JADE3: variants seen among roughly 807,000 people sequenced by gnomAD.
The protein encoded by JADE3 is jade family PHD finger 3.
A neutral mutation model predicts 50.1 loss-of-function variants in JADE3; 2 were observed. The observed-to-expected ratio is 0.04, with a 90% CI of 0.02 to 0.13. The LOEUF (loss-of-function observed/expected upper bound fraction) is 0.13. Ranked by LOEUF, JADE3 falls within the 10% of genes least tolerant of loss-of-function variation. JADE3 has a pLI of 1.00. For missense variants in JADE3, 475 were observed against 634.4 expected, an observed-to-expected ratio of 0.75 and a Z score of 2.70; for synonymous variants, 218 against 232.9, an observed-to-expected ratio of 0.94 and a Z score of 0.58.
chrX:47,037,803 A>T (rs1270864311), intron 7 of JADE3, among the ~76,000 whole-genome samples: 1 of 111,662 alleles, frequency 9.0e-6, no homozygotes, highest in African/African-American at 3.3e-5. Context: ...ATGTTCTTGT[A>T]GTTATTTTTA....
At chrX:46,976,081 G>A (rs1387389580) in intron 1 of JADE3, among the ~76,000 whole-genome samples, 2 of 111,277 alleles carry the variant, frequency 1.8e-5, no homozygotes, top group Admixed American at 9.6e-5. Flanking sequence ...GTCAAACGGT[G>A]TGAATATGTT....
chrX:46,947,995 A>G (rs1315023617), intron 1 of JADE3, among the ~76,000 whole-genome samples: 1 of 111,603 alleles, frequency 9.0e-6, no homozygotes, highest in African/African-American at 3.3e-5. Flanking sequence ...CAGACCTGCA[A>G]TTATCTGTCC....
At chrX:47,037,441 A>G (rs1929158928) in intron 7 of JADE3, among the ~76,000 whole-genome samples, 1 of 111,827 alleles carries the variant, frequency 8.9e-6, no homozygotes, top group Non-Finnish European at 1.9e-5. Context: ...TAGATACTCG[A>G]TTTAGTTACT....
intron 1 of JADE3, among the ~76,000 whole-genome samples, chrX:46,923,393 C>CTCTTTTTTTTTTTTTTTT (rs1556338199): frequency 3.5e-4 from 4 of 11,522 alleles, no homozygotes; most frequent in African/African-American, 5.9e-4. Flanking sequence ...CTCTCTCTCT[C>CTCTTTTTTTTTTTTTTTT]TTTTTTTTTT....
At chrX:46,937,220 C>T (rs908584498) in intron 1 of JADE3, among the ~76,000 whole-genome samples, 6 of 111,791 alleles carry the variant, frequency 5.4e-5, no homozygotes, top group African/African-American at 1.3e-4. Context: ...TGTCTAATAT[C>T]CAAGTGTTTG....
chrX:47,049,857 G>A (rs1301208149), intron 8 of JADE3, among the ~76,000 whole-genome samples: 1 of 102,988 alleles, frequency 9.7e-6, no homozygotes, highest in Non-Finnish European at 2.0e-5. Context: ...TGCCTCCTGG[G>A]TTCAAGCAAT....
chrX:46,941,966 T>C (rs1030269024), intron 1 of JADE3, among the ~76,000 whole-genome samples: 3 of 106,638 alleles, frequency 2.8e-5, no homozygotes, highest in Non-Finnish European at 5.8e-5. Context: ...AGTCTTGAAC[T>C]CCTGGTCTCA....
chrX:46,950,247 T>C (rs1246984997), intron 1 of JADE3, among the ~76,000 whole-genome samples: 1 of 112,273 alleles, frequency 8.9e-6, no homozygotes, highest in African/African-American at 3.2e-5. Context: ...AACTCAGTTT[T>C]AGAATATTTC....
intron 4 of JADE3, among the ~76,000 whole-genome samples, chrX:47,007,379 G>A (rs782779817): frequency 9.0e-6 from 1 of 111,425 alleles, no homozygotes; most frequent in African/African-American, 3.3e-5. Context: ...AGAGGTTGAG[G>A]TCTATAGCTA....
chrX:47,023,024 A>G (rs1928828722), intron 4 of JADE3, among the ~76,000 whole-genome samples: 1 of 111,523 alleles, frequency 9.0e-6, no homozygotes, highest in African/African-American at 3.3e-5. Flanking sequence ...CAATGACGTT[A>G]TTGAGCATCT....
chrX:47,023,563 C>T (rs1159655992), intron 4 of JADE3, among the ~76,000 whole-genome samples: 1 of 111,761 alleles, frequency 8.9e-6, no homozygotes, highest in East Asian at 2.8e-4. Flanking sequence ...TTATTTTTAT[C>T]ATATTTAATG....
At chrX:47,019,777 C>A (rs1345655056) in intron 4 of JADE3, among the ~76,000 whole-genome samples, 1 of 111,619 alleles carries the variant, frequency 9.0e-6, no homozygotes, top group Non-Finnish European at 1.9e-5. Flanking sequence ...ACTGCAGTTA[C>A]CTTTTTATTG....
intron 1 of JADE3, among the ~76,000 whole-genome samples, chrX:46,951,134 A>C (rs1247181068): frequency 3.8e-5 from 4 of 106,504 alleles, no homozygotes; most frequent in African/African-American, 1.3e-4. Context: ...GCTGTAGTGC[A>C]GTGGCACAGT....
At chrX:47,008,539 TTTA>T (rs1175566272) in intron 4 of JADE3, among the ~76,000 whole-genome samples, 3 of 112,191 alleles carry the variant, frequency 2.7e-5, no homozygotes, top group African/African-American at 6.5e-5. Flanking sequence ...ACATATTGGT[TTTA>T]TTATTTTTTA....
intron 1 of JADE3, among the ~76,000 whole-genome samples, chrX:46,946,772 A>G (rs782639186): frequency 9.8e-5 from 11 of 112,087 alleles, no homozygotes; most frequent in Non-Finnish European, 1.9e-4. Context: ...GGGAGTATCT[A>G]TATCACAGGA....
intron 8 of JADE3, among the ~76,000 whole-genome samples, chrX:47,051,963 G>A (rs185396144): frequency 1.3e-4 from 14 of 110,691 alleles, no homozygotes; most frequent in East Asian, 2.8e-4. Flanking sequence ...ACTTGGTGGC[G>A]CACGCCTATA....
chrX:46,937,544 GT>G (rs1926656450), intron 1 of JADE3, among the ~76,000 whole-genome samples: 1 of 112,113 alleles, frequency 8.9e-6, no homozygotes, highest in African/African-American at 3.2e-5. Flanking sequence ...AGATCTTAGA[GT>G]TTTGCTTCAC....
intron 5 of JADE3, among the ~76,000 whole-genome samples, 174 bp downstream of exon 5, chrX:47,025,088 T>C (rs993400754): frequency 3.6e-5 from 4 of 112,064 alleles, no homozygotes; most frequent in African/African-American, 9.7e-5. Flanking sequence ...AATGCATACA[T>C]AGAAATAAAG....
intron 1 of JADE3, among the ~76,000 whole-genome samples, chrX:46,958,016 G>A (rs782034518): frequency 2.7e-5 from 3 of 111,508 alleles, no homozygotes; most frequent in African/African-American, 6.5e-5. Flanking sequence ...TTTCCCAGGC[G>A]GCTACACCAT....
Sources: gnomAD v4.1 joint callset for allele counts (sites outside exome capture counted in the v4.1 genomes callset) on GRCh38, gnomAD v4.1.1 for gene constraint, MANE v1.5 for transcripts, NCBI Gene and HGNC (gene_info 2026-07-23, HGNC 2026-07-21) for gene names.